BCAS3: variants seen among roughly 807,000 people sequenced by gnomAD.
BCAS3 encodes the protein BCAS3 microtubule associated cell migration factor.
A neutral mutation model predicts 116.1 loss-of-function variants in BCAS3; 53 were observed. The ratio of observed to expected loss-of-function variants is 0.46; its 90% CI spans 0.37 to 0.57. The LOEUF (loss-of-function observed/expected upper bound fraction) is 0.57. Among genes scored for constraint, BCAS3 ranks in the 20% least tolerant of loss-of-function variants. The probability of loss-of-function intolerance (pLI) is 0.00; values close to 1 mark genes in which losing one functional copy is unlikely to be tolerated. For synonymous variants in BCAS3, 391 were observed against 408.2 expected (o/e 0.96, Z 0.51); for missense variants, 917 against 1,165.4 (o/e 0.79, Z 3.10).
At chr17:60,949,179 G>T (rs2889993) in intron 14 of BCAS3, among the ~76,000 whole-genome samples, 47,457 of 151,892 alleles carry the variant, frequency 0.31, 12,450 homozygotes, top group African/African-American at 0.72. Context: ...CCAGCCTCAC[G>T]GAAATATTCT....
chr17:60,727,701 G>A, intron 5 of BCAS3, among the ~76,000 whole-genome samples: 1 of 151,908 alleles, frequency 6.6e-6, no homozygotes, highest in East Asian at 1.9e-4. Flanking sequence ...AACACCCCCA[G>A]CACCACAGTG....
chr17:60,808,174 C>G, intron 7 of BCAS3, 98 bp downstream of exon 7: 1 of 823,906 alleles, frequency 1.2e-6, no homozygotes, highest in East Asian at 2.5e-5. Flanking sequence ...AACCATAAGA[C>G]TAAGCTCTCA....
At chr17:60,914,272 C>T (rs1467427518) in intron 12 of BCAS3, among the ~76,000 whole-genome samples, 1 of 152,096 alleles carries the variant, frequency 6.6e-6, no homozygotes, top group African/African-American at 2.4e-5. Context: ...ATGTTTTAGG[C>T]TAGGTGATGA....
In BCAS3 at chr17:61,124,005, C is replaced by A. The variant is rs139954817; in HGVS notation, c.2425+39441C>A. ...CAAACCAGTTCTAATCAAATCAGTTCTTTTATGTGCTTATACTACATGGTT... is the reference window on the plus strand; with the variant it reads ...CAAACCAGTTCTAATCAAATCAGTTATTTTATGTGCTTATACTACATGGTT... On this transcript the variant is annotated intron_variant, in intron 22 of 23. Coordinates refer to ENST00000407086, the MANE Select transcript of BCAS3 (RefSeq NM_017679.5). This position sits in a 1 kb window ranked among gnomAD's most constrained non-coding sequence, Gnocchi z 4.6. Among the ~76,000 whole-genome samples the A allele has an allele frequency of 2.4e-4, 36 of 152,086 alleles. No homozygotes were observed. In the East Asian group the frequency reaches 7.0e-3, roughly 29 times the overall value.
intron 22 of BCAS3, among the ~76,000 whole-genome samples, chr17:61,312,114 CAGTA>C (rs1455816114): frequency 6.6e-5 from 10 of 152,172 alleles, no homozygotes; most frequent in African/African-American, 1.9e-4. Flanking sequence ...CCTAGGCCGT[CAGTA>C]AGAGGTACTG....
At chr17:61,340,113 A>C (rs1353118469) in intron 22 of BCAS3, among the ~76,000 whole-genome samples, 2 of 152,228 alleles carry the variant, frequency 1.3e-5, no homozygotes, top group Admixed American at 1.3e-4. Flanking sequence ...GCAGTTGTAG[A>C]CAGCAAGTCC....
At position 61,105,608 on chromosome 17, in the gene BCAS3, G is replaced by A. The variant is rs1439619591; in HGVS notation, c.2425+21044G>A. Among the ~76,000 whole-genome samples the A allele has an allele frequency of 6.6e-6, 1 of 151,910 alleles. No individual in the cohort carries two copies. Among genetic ancestry groups the A allele is most frequent in the Non-Finnish European group, 1.5e-5 (1 of 67,976 alleles). On this transcript the variant is annotated intron_variant, in intron 22 of 23. Coordinates refer to ENST00000407086, the MANE Select transcript of BCAS3 (RefSeq NM_017679.5). The surrounding 1 kb of genome is among the most constrained non-coding windows in gnomAD (Gnocchi z 4.3). ...CCCAGCTAATTTTGTATTTTTTTTA[G>A]TATAGATGGGGTTTCTCCATGTTGG...
At chr17:61,129,987 T>A (rs565896166) in intron 22 of BCAS3, among the ~76,000 whole-genome samples, 1 of 152,334 alleles carries the variant, frequency 6.6e-6, no homozygotes, top group Non-Finnish European at 1.5e-5. Flanking sequence ...CACCAATGAT[T>A]CTTGTTTTGT....
At chr17:60,693,238 T>C (rs1442475781) in intron 4 of BCAS3, among the ~76,000 whole-genome samples, 1 of 151,908 alleles carries the variant, frequency 6.6e-6, no homozygotes, top group East Asian at 1.9e-4. Context: ...CAAAGCAGTT[T>C]AATATTCTGA....
At chr17:60,909,136 C>T (rs1220966727) in intron 11 of BCAS3, among the ~76,000 whole-genome samples, 1 of 152,104 alleles carries the variant, frequency 6.6e-6, no homozygotes, top group Non-Finnish European at 1.5e-5. Flanking sequence ...CTTTACCAGT[C>T]CCTAGTCCAT....
At chr17:60,947,658 GTC>G (rs1456129352) in intron 14 of BCAS3, among the ~76,000 whole-genome samples, 1 of 152,084 alleles carries the variant, frequency 6.6e-6, no homozygotes, top group Non-Finnish European at 1.5e-5. Context: ...TTCATTTGCT[GTC>G]TCTCCAGACC....
intron 5 of BCAS3, among the ~76,000 whole-genome samples, chr17:60,738,714 A>G (rs1335541734): frequency 6.6e-6 from 1 of 152,166 alleles, no homozygotes; most frequent in African/African-American, 2.4e-5. Flanking sequence ...AGATGGATAA[A>G]TAACTACCAT....
rs35629112 is a variant in BCAS3, at chr17:61,251,570, CA to C, written c.2426-116743del. 0.98 allele frequency among the ~76,000 whole-genome samples: 139,384 copies of C among 141,512 alleles called. 68,639 individuals carry two copies. Among genetic ancestry groups the C allele is most frequent in the South Asian group, 1 (4,290 of 4,306 alleles). The allele number at this position is 141,512 out of a possible 152,430, so 92.8% of individuals were successfully genotyped here. On this transcript the variant is annotated intron_variant, in intron 22 of 23. Coordinates refer to ENST00000407086, the MANE Select transcript of BCAS3 (RefSeq NM_017679.5). This position sits in a 1 kb window ranked among gnomAD's most constrained non-coding sequence, Gnocchi z 4.7. ...GGGCAACAAGAGCGAAACTCCACCT[CA>C]AAAAAAAAAAAAAGAAAAGAAAGAC...
Position 61,364,443 on chromosome 17 carries a change from C to T in BCAS3, c.2426-3884C>T, listed in dbSNP as rs1478478879. Among the ~76,000 whole-genome samples, 1 of 152,214 alleles carries T rather than the reference C, an allele frequency of 6.6e-6. No individual in the cohort carries two copies. ...ACATATTGTGGTTCTTGGCCAGGCG[C>T]AGTGGCTCATGCCTGTAATTCCAGC... On this transcript the variant is annotated intron_variant, in intron 22 of 23. Transcript: ENST00000407086. The surrounding 1 kb of genome is among the most constrained non-coding windows in gnomAD (Gnocchi z 5.4).
intron 18 of BCAS3, among the ~76,000 whole-genome samples, chr17:61,039,446 G>T (rs556691856): frequency 4.2e-4 from 64 of 150,830 alleles, no homozygotes; most frequent in African/African-American, 1.5e-3. Flanking sequence ...TTCCTGAGAT[G>T]GAGTCTTGCT....
At position 61,142,110 on chromosome 17, in the gene BCAS3, A is replaced by G. The variant is rs972136629; in HGVS notation, c.2425+57546A>G. 4.0e-5 allele frequency among the ~76,000 whole-genome samples: 6 copies of G among 151,804 alleles called. No individual in the cohort carries two copies. The East Asian group carries it at 5.8e-4, about 15-fold the overall frequency. On this transcript the variant is annotated intron_variant, in intron 22 of 23. Coordinates refer to ENST00000407086, the MANE Select transcript of BCAS3 (RefSeq NM_017679.5). ...TTGTTTTATTTTTTTTTAATGAGCT[A>G]AGTTTATTATTAAGGTACTTGGCTA...
At chr17:61,266,303 T>G (rs2049705568) in intron 22 of BCAS3, among the ~76,000 whole-genome samples, 3 of 152,176 alleles carry the variant, frequency 2.0e-5, no homozygotes, top group Admixed American at 1.3e-4. Context: ...GACAAATGGC[T>G]TAAAGAGAAA....
At chr17:61,341,266 G>A (rs2057130891) in intron 22 of BCAS3, among the ~76,000 whole-genome samples, 1 of 152,304 alleles carries the variant, frequency 6.6e-6, no homozygotes, top group South Asian at 2.1e-4. Flanking sequence ...TCTACGAGGA[G>A]CAAAAAGAAC....
Position 60,910,764 on chromosome 17 carries a change from A to G in BCAS3, c.993+62A>G. ...TTGCAAAGATGGGGCTAAGATCAAG[A>G]TTAGTCAAAATGTATTTGGCCTAGG... On this transcript the variant is annotated intron_variant, in intron 12 of 23. Transcript: ENST00000407086. The G allele has an allele frequency of 2.1e-6, 3 of 1,402,128 alleles. No individual in the cohort carries two copies. In the South Asian group the frequency reaches 4.3e-5, roughly 20 times the overall value. The allele number at this position is 1,402,128 out of a possible 1,614,324, so 86.9% of individuals were successfully genotyped here. A position where few individuals can be genotyped will look rare whatever the true frequency, so the allele number is the denominator to read the frequency against.
Sources: gnomAD v4.1 joint callset for allele counts (sites outside exome capture counted in the v4.1 genomes callset) on GRCh38, gnomAD v4.1.1 for gene constraint, Gnocchi (gnomAD v3.1) non-coding constraint, MANE v1.5 for transcripts, NCBI Gene and HGNC (gene_info 2026-07-23, HGNC 2026-07-21) for gene names.